The following SLC12A2 variants were observed in gnomAD, a reference collection of about 807,000 sequenced individuals.
SLC12A2 encodes the protein Na-K-2Cl cotransporter 1.
A neutral mutation model predicts 136.3 loss-of-function variants in SLC12A2; 67 were observed. The ratio of observed to expected loss-of-function variants is 0.49; its 90% CI spans 0.40 to 0.60. SLC12A2 has a LOEUF of 0.60. Among genes scored for constraint, SLC12A2 ranks in the 20% least tolerant of loss-of-function variants. The probability of loss-of-function intolerance (pLI) is 0.00; values close to 1 mark genes in which losing one functional copy is unlikely to be tolerated. For synonymous variants in SLC12A2, 619 were observed against 562.9 expected, an observed-to-expected ratio of 1.10 and a Z score of -1.41; for missense variants, 1,322 against 1,534.7, an observed-to-expected ratio of 0.86 and a Z score of 2.32.
intron 5 of SLC12A2, among the ~76,000 whole-genome samples, chr5:128,133,147 G>A (rs989816265): frequency 5.9e-5 from 9 of 151,328 alleles, no homozygotes; most frequent in Middle Eastern, 3.2e-3. Context: ...AAGAGATGTC[G>A]AAATCAAATT....
chr5:128,162,202 G>C (rs1763062189), intron 17 of SLC12A2, among the ~76,000 whole-genome samples: 1 of 152,052 alleles, frequency 6.6e-6, no homozygotes, highest in Non-Finnish European at 1.5e-5. Flanking sequence ...GACAAGGTAG[G>C]CTTGCTTTAT....
At chr5:128,177,583 G>A (rs768299067) in intron 21 of SLC12A2, 11 of 157,884 alleles carry the variant, frequency 7.0e-5, no homozygotes, top group Non-Finnish European at 1.5e-4. Flanking sequence ...GTCGTGCTGC[G>A]TTTGGGAGAT....
chr5:128,147,599 C>A, intron 10 of SLC12A2, 23 bp from the exon 11 acceptor site: 1 of 1,462,474 alleles, frequency 6.8e-7, no homozygotes, highest in Non-Finnish European at 9.6e-7. Context: ...TTTATTTTTC[C>A]ATTTTTGTCA....
chr5:128,114,816 G>C (rs1761288038), intron 4 of SLC12A2, 135 bp downstream of exon 4: 2 of 591,602 alleles, frequency 3.4e-6, no homozygotes, highest in Non-Finnish European at 5.9e-6. Context: ...TTGCTACCGA[G>C]CACTTCCAGA....
At chr5:128,092,496 C>T (rs984538403) in intron 1 of SLC12A2, among the ~76,000 whole-genome samples, 2 of 151,726 alleles carry the variant, frequency 1.3e-5, no homozygotes, top group Admixed American at 6.6e-5. Flanking sequence ...CAGTGCTGTC[C>T]GATAGAAATA....
chr5:128,099,588 G>T (rs1760671524), intron 1 of SLC12A2, among the ~76,000 whole-genome samples: 2 of 152,056 alleles, frequency 1.3e-5, no homozygotes, highest in Admixed American at 1.3e-4. Context: ...TGACACTTTT[G>T]TAATAACATT....
chr5:128,166,324 G>A (rs1424843962), intron 17 of SLC12A2, among the ~76,000 whole-genome samples: 1 of 152,018 alleles, frequency 6.6e-6, no homozygotes, highest in Non-Finnish European at 1.5e-5. Flanking sequence ...CATTGGATTT[G>A]TTAGTGGATT....
chr5:128,108,440 T>C (rs1386932569), intron 1 of SLC12A2, among the ~76,000 whole-genome samples: 2 of 152,144 alleles, frequency 1.3e-5, no homozygotes, highest in African/African-American at 4.8e-5. Flanking sequence ...AAGTGGCATA[T>C]CCATACTATG....
Position 128,135,768 on chromosome 5 carries a change from A to G in SLC12A2, c.1368A>G (p.Pro456=), listed in dbSNP as rs1179120013. 2 of 1,612,058 alleles carry G rather than the reference A, an allele frequency of 1.2e-6. No homozygotes were observed. Among genetic ancestry groups the G allele is most frequent in the Non-Finnish European group, 1.7e-6 (2 of 1,178,538 alleles). The change falls in exon 7 of 27, where the codon CCA becomes CCG. Residue 456 remains proline, a synonymous_variant. Transcript: ENST00000262461. Reference sequence around the variant, plus strand: ...ATTTCGTCATAGGAACATTTATCCCACTGGAGAGCAAGAAGCCAAAAGGGT... The same window carrying G: ...ATTTCGTCATAGGAACATTTATCCCGCTGGAGAGCAAGAAGCCAAAAGGGT... ...IGDFVIGTFI[P]LESKKPKGFF...
At chr5:128,173,083 CAATT>C (rs1396516932) in intron 19 of SLC12A2, among the ~76,000 whole-genome samples, 2 of 152,176 alleles carry the variant, frequency 1.3e-5, no homozygotes, top group Non-Finnish European at 2.9e-5. Context: ...TTACCCCTAT[CAATT>C]AATTAACCAA....
At chr5:128,101,784 G>A (rs1760748140) in intron 1 of SLC12A2, among the ~76,000 whole-genome samples, 1 of 152,170 alleles carries the variant, frequency 6.6e-6, no homozygotes, top group Non-Finnish European at 1.5e-5. Flanking sequence ...TTTAGTGTCA[G>A]AGAAGTTGTG....
intron 4 of SLC12A2, among the ~76,000 whole-genome samples, chr5:128,125,804 C>A (rs908486239): frequency 5.9e-5 from 9 of 152,130 alleles, no homozygotes; most frequent in South Asian, 2.1e-4. Context: ...TATCTGTGGA[C>A]AATCTCAAAT....
intron 10 of SLC12A2, among the ~76,000 whole-genome samples, chr5:128,142,601 G>A (rs191269762): frequency 4.2e-4 from 64 of 152,104 alleles, no homozygotes; most frequent in African/African-American, 1.5e-3. Context: ...AGAAAGCATG[G>A]AATCATCTTG....
chr5:128,117,913 T>C lies in SLC12A2; in HGVS notation c.1048+3232T>C, dbSNP rs183558519. Among the ~76,000 whole-genome samples the C allele has an allele frequency of 7.9e-5, 12 of 152,126 alleles. No homozygotes were observed. The East Asian group carries it at 2.3e-3, about 29-fold the overall frequency. The stretch of plus-strand genomic sequence containing the variant: ...TCAAAAAATGGGCAAAGGACATGAA[T>C]AGACAATTCTCAAAACAAGATGTAC... On this transcript the variant is annotated intron_variant, in intron 4 of 26. Transcript: ENST00000262461.
chr5:128,094,745 A>T (rs768455573), intron 1 of SLC12A2, among the ~76,000 whole-genome samples: 1 of 152,108 alleles, frequency 6.6e-6, no homozygotes, highest in South Asian at 2.1e-4. Context: ...TCCCCTGTCC[A>T]TATCTTCCAA....
chr5:128,160,877 G>T (rs1763014922), intron 16 of SLC12A2, among the ~76,000 whole-genome samples: 1 of 151,936 alleles, frequency 6.6e-6, no homozygotes. Context: ...GAGAGTGCGT[G>T]TATGTAGGGT....
At chr5:128,155,927 T>A (rs543738191) in intron 15 of SLC12A2, among the ~76,000 whole-genome samples, 2 of 152,186 alleles carry the variant, frequency 1.3e-5, no homozygotes, top group Non-Finnish European at 2.9e-5. Flanking sequence ...GGTTTCAGGG[T>A]TCAGTATATA....
At chr5:128,161,219 A>G (rs1763025933) in intron 16 of SLC12A2, among the ~76,000 whole-genome samples, 1 of 152,184 alleles carries the variant, frequency 6.6e-6, no homozygotes, top group South Asian at 2.1e-4. Context: ...AAAATGCATT[A>G]ATATTTTATA....
chr5:128,084,524 C>A lies in SLC12A2; in HGVS notation c.570C>A (p.Gly190=). ...GCAGCAGCCTGCACTCCGGCGGCGGCGGCGGCAGTGGGCACCACCAGCACT... is the reference window on the plus strand; with the variant it reads ...GCAGCAGCCTGCACTCCGGCGGCGGAGGCGGCAGTGGGCACCACCAGCACT... ...SEGSSLHSGG[G]GGSGHHQHYY... is the part of the protein sequence containing the mutation. Residue 190 remains glycine (G), a synonymous_variant, in exon 1 of 27, where the codon GGC becomes GGA. Transcript: ENST00000262461. The surrounding 1 kb of genome is among the most constrained non-coding windows in gnomAD (Gnocchi z 5.6). The A allele has an allele frequency of 6.2e-7, 1 of 1,613,580 alleles. No homozygotes were observed. The highest frequency in any genetic ancestry group is 8.5e-7 in the Non-Finnish European group (1 of 1,179,972).
Sources: gnomAD v4.1 joint callset for allele counts (sites outside exome capture counted in the v4.1 genomes callset) on GRCh38, gnomAD v4.1.1 for gene constraint, Gnocchi (gnomAD v3.1) non-coding constraint, MANE v1.5 for transcripts, NCBI Gene and HGNC (gene_info 2026-07-23, HGNC 2026-07-21) for gene names.